XYLT1: variants seen among roughly 807,000 people sequenced by gnomAD.
The protein encoded by XYLT1 is xylosyltransferase 1.
A neutral mutation model predicts 91.3 loss-of-function variants in XYLT1; 36 were observed. The observed-to-expected ratio is 0.39, with a 90% CI of 0.30 to 0.52. The LOEUF is 0.52. Ranked by LOEUF, XYLT1 falls within the 20% of genes least tolerant of loss-of-function variation. The pLI is 0.68. For missense variants in XYLT1, 1,242 were observed against 1,284.5 expected (o/e 0.97, Z 0.51); for synonymous variants, 588 against 532.0 (o/e 1.11, Z -1.45).
chr16:17,337,768 A>AT lies in XYLT1; in HGVS notation c.402+20243dup, dbSNP rs2035002996. Among the ~76,000 whole-genome samples, 4 of 102,544 alleles carry AT rather than the reference A, an allele frequency of 3.9e-5. 1 individual carries two copies. The highest frequency in any genetic ancestry group is 1.2e-4 in the African/African-American group (3 of 25,796). The allele number at this position is 102,544 out of a possible 152,430, so 67.3% of individuals were successfully genotyped here. On this transcript the variant is annotated intron_variant, in intron 2 of 11. Coordinates refer to ENST00000261381, the MANE Select transcript of XYLT1 (RefSeq NM_022166.4). ...CTGAGTCCTACTTTGTCTGTTCCAC[A>AT]TTTTTTCTTTTTCTTTTTTTTTTTT...
chr16:17,238,790 C>G (rs2033289843), intron 3 of XYLT1, among the ~76,000 whole-genome samples: 1 of 152,230 alleles, frequency 6.6e-6, no homozygotes, highest in Non-Finnish European at 1.5e-5. Flanking sequence ...CTTTCAGTTT[C>G]AACGGCACCA....
chr16:17,235,657 T>C (rs887487029), intron 3 of XYLT1, among the ~76,000 whole-genome samples: 6 of 152,206 alleles, frequency 3.9e-5, no homozygotes, highest in African/African-American at 1.4e-4. Context: ...TTCTTTGCAG[T>C]TCCTTTAAGG....
intron 1 of XYLT1, among the ~76,000 whole-genome samples, chr16:17,465,042 G>A (rs1249468185): frequency 6.7e-6 from 1 of 148,992 alleles, no homozygotes; most frequent in Non-Finnish European, 1.5e-5. Context: ...TACTCAGGAG[G>A]CTGAGGCACA....
At position 17,251,637 on chromosome 16, in the gene XYLT1, C is replaced by T. The variant is rs1022010556; in HGVS notation, c.913+7351G>A. On this transcript the variant is annotated intron_variant, in intron 3 of 11. Coordinates refer to ENST00000261381, the MANE Select transcript of XYLT1 (RefSeq NM_022166.4). ...GCCGTGAGGGCCACTGCACGGAGGG[C>T]GCTTCCTGACATGCAGGTGTTCAAA... Among the ~76,000 whole-genome samples, 11 of 152,292 alleles carry T rather than the reference C, an allele frequency of 7.2e-5. No individual in the cohort carries two copies. In the East Asian group the frequency reaches 7.7e-4, roughly 11 times the overall value.
At chr16:17,177,780 G>A (rs1276532252) in intron 5 of XYLT1, among the ~76,000 whole-genome samples, 4 of 152,188 alleles carry the variant, frequency 2.6e-5, no homozygotes. Flanking sequence ...AGACACACAA[G>A]ATCAACTGGA....
chr16:17,121,803 T>G (rs777475994), intron 10 of XYLT1, among the ~76,000 whole-genome samples: 1 of 152,164 alleles, frequency 6.6e-6, no homozygotes, highest in African/African-American at 2.4e-5. Flanking sequence ...TAAGCCTTGA[T>G]TTCCTCATAG....
chr16:17,139,386 G>T (rs1369514713), intron 7 of XYLT1, among the ~76,000 whole-genome samples: 4 of 152,190 alleles, frequency 2.6e-5, no homozygotes, highest in Non-Finnish European at 4.4e-5. Context: ...CAGGAGGTGG[G>T]ACTGAACAGA....
At chr16:17,358,184 C>G (rs2035330384) in intron 1 of XYLT1, 134 bp from the exon 2 acceptor site, 1 of 878,624 alleles carries the variant, frequency 1.1e-6, no homozygotes, top group Non-Finnish European at 1.7e-6. Context: ...GGCTGGAGAG[C>G]AGTGGCATGA....
At chr16:17,446,381 T>A (rs2036591665) in intron 1 of XYLT1, 1 of 152,242 alleles carries the variant, frequency 6.6e-6, no homozygotes, top group Non-Finnish European at 1.5e-5. Flanking sequence ...CAATAACCTT[T>A]CAGATTAGGG....
intron 10 of XYLT1, among the ~76,000 whole-genome samples, chr16:17,121,507 ACTGCT>A (rs1317151075): frequency 3.9e-5 from 6 of 152,280 alleles, no homozygotes; most frequent in African/African-American, 1.4e-4. Flanking sequence ...AGCTTAACAT[ACTGCT>A]CCCTGGCTTC....
intron 2 of XYLT1, among the ~76,000 whole-genome samples, chr16:17,356,366 C>T (rs751322812): frequency 1.6e-4 from 24 of 152,100 alleles, no homozygotes; most frequent in Non-Finnish European, 2.9e-4. Flanking sequence ...CAGAGGAAAC[C>T]GAATCCTTTT....
At chr16:17,307,825 C>T (rs990848376) in intron 2 of XYLT1, among the ~76,000 whole-genome samples, 1 of 152,132 alleles carries the variant, frequency 6.6e-6, no homozygotes, top group South Asian at 2.1e-4. Flanking sequence ...GAGAGAAAAC[C>T]CAGCAGGGGT....
intron 3 of XYLT1, among the ~76,000 whole-genome samples, chr16:17,230,222 A>G (rs1200856420): frequency 6.6e-6 from 1 of 152,180 alleles, no homozygotes; most frequent in Non-Finnish European, 1.5e-5. Flanking sequence ...GCCGTAGGGA[A>G]CTAAAACAAA....
At chr16:17,445,723 G>A (rs2036583371) in intron 1 of XYLT1, 1 of 152,246 alleles carries the variant, frequency 6.6e-6, no homozygotes. Flanking sequence ...CCCGTCACCA[G>A]CGGAGAAACA....
At chr16:17,141,395 C>T (rs1421853521) in intron 6 of XYLT1, 26 bp from the exon 7 acceptor site, 3 of 1,603,472 alleles carry the variant, frequency 1.9e-6, no homozygotes, top group Non-Finnish European at 2.6e-6. Flanking sequence ...CTGCCCTTAG[C>T]CCAGAGGTGT....
chr16:17,185,067 A>G (rs138009528), intron 5 of XYLT1, among the ~76,000 whole-genome samples: 1 of 152,252 alleles, frequency 6.6e-6, no homozygotes, highest in Non-Finnish European at 1.5e-5. Context: ...GATCTCCGAG[A>G]ACTCTAGGCT....
At chr16:17,267,508 G>T (rs1156476912) in intron 2 of XYLT1, among the ~76,000 whole-genome samples, 1 of 152,326 alleles carries the variant, frequency 6.6e-6, no homozygotes, top group East Asian at 1.9e-4. Context: ...CCGGGTTCAC[G>T]CCATTCTCCT....
intron 1 of XYLT1, among the ~76,000 whole-genome samples, chr16:17,405,516 C>CAGGG (rs1310865916): frequency 6.6e-6 from 1 of 152,174 alleles, no homozygotes; most frequent in Non-Finnish European, 1.5e-5. Context: ...GTTGAAATCA[C>CAGGG]AGGGACAGCA....
At chr16:17,327,208 C>A (rs1399999623) in intron 2 of XYLT1, among the ~76,000 whole-genome samples, 1 of 152,072 alleles carries the variant, frequency 6.6e-6, no homozygotes, top group Non-Finnish European at 1.5e-5. Flanking sequence ...TCCAACTAAA[C>A]GTTTTAAATT....
Sources: allele counts gnomAD v4.1 joint callset (sites outside exome capture counted in the v4.1 genomes callset), GRCh38; gene constraint gnomAD v4.1.1; transcripts MANE v1.5; gene names NCBI Gene and HGNC (gene_info 2026-07-23, HGNC 2026-07-21).